CEMIP2: variants seen among roughly 807,000 people sequenced by gnomAD.
CEMIP2 encodes the protein cell migration inducing hyaluronidase 2, also known as cell surface hyaluronidase CEMIP2.
A neutral mutation model predicts 146.9 loss-of-function variants in CEMIP2; 79 were observed. The ratio of observed to expected loss-of-function variants is 0.54; its 90% confidence interval spans 0.45 to 0.65. The LOEUF (loss-of-function observed/expected upper bound fraction) is 0.65, where lower values mean the gene tolerates loss of function less well. Ranked by LOEUF, CEMIP2 falls within the 30% of genes least tolerant of loss-of-function variation. CEMIP2 has a pLI of 0.00. For synonymous variants in CEMIP2, 601 were observed against 606.3 expected, an observed-to-expected ratio of 0.99 and a Z score of 0.13; for missense variants, 1,596 against 1,696.2, an observed-to-expected ratio of 0.94 and a Z score of 1.04.
At chr9:71,730,346 G>T in intron 8 of CEMIP2, 93 bp from the exon 9 acceptor site, 2 of 1,293,924 alleles carry the variant, frequency 1.5e-6, no homozygotes, top group Non-Finnish European at 1.1e-6. Flanking sequence ...TTCAGTACAA[G>T]TGGAAAAACA....
chr9:71,745,247 C>T lies in CEMIP2; in HGVS notation c.805G>A (p.Val269Met). 6.2e-7 allele frequency: 1 copy of T among 1,614,072 alleles called. No individual in the cohort carries two copies. Among genetic ancestry groups the T allele is most frequent in the Non-Finnish European group, 8.5e-7 (1 of 1,180,004 alleles). ...GCCGTGTCTTGGTCAATGACCCTCA[C>T]ATTGAGGCCCCGGGAAAAGTCCTTT... Reference protein sequence around the residue: ...FEKDFSRGLNVRVIDQDTAKI... With the variant: ...FEKDFSRGLNMRVIDQDTAKI... Residue 269 changes from valine to methionine, a missense_variant, in exon 4 of 24, where the codon GTG becomes ATG. Physicochemically the swap from Val to Met is conservative, Grantham distance 21 (BLOSUM62 1). Coordinates refer to ENST00000377044, the MANE Select transcript of CEMIP2 (RefSeq NM_013390.3).
rs59985618 is a variant in CEMIP2 at position 71,732,686 on chromosome 9, A to ATTTTTTTTTTTTTTT, written c.1394-181_1394-167dup. Among the ~76,000 whole-genome samples, 13 of 75,878 alleles carry ATTTTTTTTTTTTTTT rather than the reference A, an allele frequency of 1.7e-4. 1 individual carries two copies. Among genetic ancestry groups the ATTTTTTTTTTTTTTT allele is most frequent in the African/African-American group, 6.2e-4 (10 of 16,098 alleles). 49.8% of individuals were successfully genotyped at this position (75,878 alleles called of 152,430 possible). A position where few individuals can be genotyped will look rare whatever the true frequency, so the allele number is the denominator to read the frequency against. On this transcript the variant is annotated intron_variant, in intron 6 of 23. Transcript: ENST00000377044. ...GAATCAGAATCCCAGGACACGGGGAATTTTTTTTTTTTTTTTTTTTTTTTT... is the reference window on the plus strand; with the variant it reads ...GAATCAGAATCCCAGGACACGGGGAATTTTTTTTTTTTTTTTTTTTTTTTTTTTTTTTTTTTTTTT...
chr9:71,750,770 A>AGG (rs1238832759), intron 1 of CEMIP2, among the ~76,000 whole-genome samples: 3 of 150,562 alleles, frequency 2.0e-5, no homozygotes, highest in Non-Finnish European at 4.4e-5. Flanking sequence ...TTTTAGAGAC[A>AGG]GGGTCTCACT....
At chr9:71,691,061 C>A (rs890402357) in intron 21 of CEMIP2, among the ~76,000 whole-genome samples, 1 of 152,184 alleles carries the variant, frequency 6.6e-6, no homozygotes, top group Admixed American at 6.5e-5. Flanking sequence ...TACCACTACA[C>A]CTGTCCATGC....
intron 4 of CEMIP2, among the ~76,000 whole-genome samples, chr9:71,743,218 G>A (rs1451819809): frequency 6.6e-6 from 1 of 152,204 alleles, no homozygotes; most frequent in Non-Finnish European, 1.5e-5. Context: ...CTAAACTTTA[G>A]TAGATCCCAC....
At chr9:71,752,957 T>C (rs1286978482) in intron 1 of CEMIP2, among the ~76,000 whole-genome samples, 3 of 152,202 alleles carry the variant, frequency 2.0e-5, no homozygotes, top group Admixed American at 6.5e-5. Flanking sequence ...ATTATTTAGA[T>C]GAAGCTCAAG....
chr9:71,693,341 C>A (rs1240829758), intron 21 of CEMIP2, among the ~76,000 whole-genome samples: 2 of 152,194 alleles, frequency 1.3e-5, no homozygotes, highest in Non-Finnish European at 2.9e-5. Flanking sequence ...AGGCCACATG[C>A]TGAGACCTGG....
intron 18 of CEMIP2, among the ~76,000 whole-genome samples, chr9:71,702,372 AT>A (rs1157773639): frequency 5.3e-5 from 8 of 151,080 alleles, no homozygotes; most frequent in Non-Finnish European, 1.0e-4. Context: ...TGTTCTATGA[AT>A]TATTGTCTAT....
intron 13 of CEMIP2, among the ~76,000 whole-genome samples, chr9:71,717,605 A>C (rs560411420): frequency 1.3e-5 from 2 of 152,228 alleles, no homozygotes; most frequent in East Asian, 3.8e-4. Context: ...AGAAAAACTA[A>C]GGAGTTTTCA....
At chr9:71,733,989 C>T (rs1284637824) in intron 6 of CEMIP2, among the ~76,000 whole-genome samples, 2 of 151,922 alleles carry the variant, frequency 1.3e-5, no homozygotes, top group East Asian at 1.9e-4. Context: ...GATTACAAGC[C>T]TTGTGCCACC....
intron 20 of CEMIP2, among the ~76,000 whole-genome samples, chr9:71,696,024 C>T (rs1822392008): frequency 6.6e-6 from 1 of 152,136 alleles, no homozygotes; most frequent in Admixed American, 6.5e-5. Context: ...AACTACTTTG[C>T]AACTGCACAA....
rs1824841334 is a variant in CEMIP2, at chr9:71,767,810, AGGCAGGG to A, written c.-13+540_-13+546del. On this transcript the variant is annotated intron_variant, in intron 1 of 23. Coordinates refer to ENST00000377044, the MANE Select transcript of CEMIP2 (RefSeq NM_013390.3). The stretch of plus-strand genomic sequence containing the variant: ...CCTCACCTTACCTCAGCTAACAGAG[AGGCAGGG>A]GGCGGAGGGCGGAGGACCCACCAAC... 2.6e-5 allele frequency among the ~76,000 whole-genome samples: 4 copies of A among 152,312 alleles called. No homozygotes were observed. In the South Asian group the frequency reaches 8.3e-4, roughly 32 times the overall value.
intron 4 of CEMIP2, among the ~76,000 whole-genome samples, chr9:71,744,284 A>G (rs1824009759): frequency 6.6e-6 from 1 of 152,154 alleles, no homozygotes. Flanking sequence ...CTGAGGTGGA[A>G]GTATCACTGG....
At chr9:71,693,145 TA>T (rs2131859772) in intron 21 of CEMIP2, among the ~76,000 whole-genome samples, 1 of 152,338 alleles carries the variant, frequency 6.6e-6, no homozygotes, top group African/African-American at 2.4e-5. Context: ...AGAAAAAAAG[TA>T]AAATTTAATT....
At chr9:71,715,281 C>T (rs1347332548) in intron 14 of CEMIP2, among the ~76,000 whole-genome samples, 192 bp from the exon 15 acceptor site, 1 of 133,836 alleles carries the variant, frequency 7.5e-6, no homozygotes, top group Admixed American at 8.3e-5. Flanking sequence ...CTTGCTCTGT[C>T]ACCCAATGCT....
At chr9:71,767,184 C>T (rs903905827) in intron 1 of CEMIP2, among the ~76,000 whole-genome samples, 2 of 152,278 alleles carry the variant, frequency 1.3e-5, no homozygotes, top group East Asian at 1.9e-4. Flanking sequence ...ATAAGGCTAA[C>T]CATTTTAAAG....
In CEMIP2 at chr9:71,700,650, G is replaced by A. The variant is rs1386397698; in HGVS notation, c.3369C>T (p.Ser1123=). 6.3e-7 allele frequency: 1 copy of A among 1,598,872 alleles called. No homozygotes were observed. Among genetic ancestry groups the A allele is most frequent in the Admixed American group, 1.8e-5 (1 of 56,128 alleles). The change falls in exon 19 of 24, where the codon TCC becomes TCT. Residue 1123 remains serine, a synonymous_variant. Coordinates refer to ENST00000377044, the MANE Select transcript of CEMIP2 (RefSeq NM_013390.3). The part of the protein sequence containing the change: ...KQSERKFYFD[S]STGLLFLYLK... ...TGGTTTCACTGAATTACCCCGTGCT[G>A]GAGTCAAAATAGAATTTCCTCTCGG...
At chr9:71,755,339 C>G (rs1824398326) in intron 1 of CEMIP2, among the ~76,000 whole-genome samples, 1 of 97,224 alleles carries the variant, frequency 1.0e-5, no homozygotes, top group South Asian at 3.6e-4. Context: ...GTGAGACACC[C>G]TGTCTCTACA....
intron 12 of CEMIP2, among the ~76,000 whole-genome samples, chr9:71,719,842 C>CGAAAAAA (rs1300570025): frequency 1.1e-5 from 1 of 93,196 alleles, no homozygotes; most frequent in Non-Finnish European, 2.0e-5. Flanking sequence ...TAAACGAAAG[C>CGAAAAAA]AAAAAAAAAA....
Sources: gnomAD v4.1 joint callset for allele counts (sites outside exome capture counted in the v4.1 genomes callset) on GRCh38, gnomAD v4.1.1 for gene constraint, MANE v1.5 for transcripts, NCBI Gene and HGNC (gene_info 2026-07-23, HGNC 2026-07-21) for gene names.